FARS2: variants seen among roughly 807,000 people sequenced by gnomAD.
FARS2 encodes the protein phenylalanine--tRNA ligase, mitochondrial.
FARS2 carries 40 observed loss-of-function variants against 46.4 expected under a neutral mutation model. The ratio of observed to expected loss-of-function variants is 0.86; its 90% CI spans 0.67 to 1.12. FARS2 has a LOEUF of 1.12. Among genes scored for constraint, FARS2 ranks in the 50% most tolerant of loss-of-function variants. The pLI is 0.00. For synonymous variants in FARS2, 234 were observed against 214.9 expected, an observed-to-expected ratio of 1.09 and a Z score of -0.78; for missense variants, 513 against 567.9, an observed-to-expected ratio of 0.90 and a Z score of 0.98.
At chr6:5,404,268 T>C (rs566343251) in intron 2 of FARS2, among the ~76,000 whole-genome samples, 5 of 152,364 alleles carry the variant, frequency 3.3e-5, no homozygotes, top group African/African-American at 1.2e-4. Flanking sequence ...TGTTGGGAAC[T>C]GACTATAAGT....
At chr6:5,665,911 T>C (rs1778091884) in intron 6 of FARS2, among the ~76,000 whole-genome samples, 1 of 152,024 alleles carries the variant, frequency 6.6e-6, no homozygotes, top group South Asian at 2.1e-4. Flanking sequence ...CACCCTTCCT[T>C]GAGTGGGAGG....
At chr6:5,742,176 T>G (rs1160275824) in intron 6 of FARS2, among the ~76,000 whole-genome samples, 1 of 152,214 alleles carries the variant, frequency 6.6e-6, no homozygotes, top group Non-Finnish European at 1.5e-5. Flanking sequence ...TTTCCTATTA[T>G]TTGGTTACCA....
At chr6:5,624,741 C>T (rs1246515883) in intron 6 of FARS2, among the ~76,000 whole-genome samples, 1 of 152,094 alleles carries the variant, frequency 6.6e-6, no homozygotes, top group Admixed American at 6.5e-5. Flanking sequence ...TAGATTCAAG[C>T]AAGTTAAACA....
chr6:5,439,161 G>A (rs1582107963), intron 4 of FARS2, among the ~76,000 whole-genome samples: 1 of 152,198 alleles, frequency 6.6e-6, no homozygotes, highest in East Asian at 1.9e-4. Flanking sequence ...TGCAACTTGT[G>A]TGAGTGGTTC....
At position 5,319,663 on chromosome 6, in the gene FARS2, G is replaced by T. The variant is rs747229809; in HGVS notation, c.-21-48887G>T. On this transcript the variant is annotated intron_variant, in intron 1 of 6. Transcript: ENST00000274680. ...AACTCTCACTCCTGCTCTAAAAGTTGCCTTGGTCTCTCACTCTGCCTTATG... is the reference window on the plus strand; with the variant it reads ...AACTCTCACTCCTGCTCTAAAAGTTTCCTTGGTCTCTCACTCTGCCTTATG... Among the ~76,000 whole-genome samples the T allele has an allele frequency of 2.1e-4, 32 of 152,176 alleles. 1 individual carries two copies. Among genetic ancestry groups the T allele is most frequent in the Admixed American group, 2.6e-4 (4 of 15,280 alleles).
At chr6:5,715,415 C>T (rs1262769317) in intron 6 of FARS2, among the ~76,000 whole-genome samples, 1 of 152,114 alleles carries the variant, frequency 6.6e-6, no homozygotes, top group Non-Finnish European at 1.5e-5. Context: ...TTTTCATGAC[C>T]CCGAAAGAAA....
At chr6:5,313,458 A>G (rs912649899) in intron 1 of FARS2, among the ~76,000 whole-genome samples, 2 of 152,196 alleles carry the variant, frequency 1.3e-5, no homozygotes, top group Admixed American at 6.5e-5. Context: ...CCCTAATTAC[A>G]TATCACAGCT....
chr6:5,428,525 C>T (rs1762974431), intron 3 of FARS2, among the ~76,000 whole-genome samples: 1 of 152,124 alleles, frequency 6.6e-6, no homozygotes, highest in South Asian at 2.1e-4. Flanking sequence ...AAACTGTTGT[C>T]ATAAAATGTT....
At chr6:5,400,007 A>T (rs549016307) in intron 2 of FARS2, among the ~76,000 whole-genome samples, 4 of 152,180 alleles carry the variant, frequency 2.6e-5, no homozygotes, top group Non-Finnish European at 5.9e-5. Flanking sequence ...GGGTCAAGAG[A>T]TCAACAAATA....
chr6:5,430,951 T>C, intron 3 of FARS2, 90 bp from the exon 4 acceptor site: 2 of 1,255,516 alleles, frequency 1.6e-6, no homozygotes, highest in Admixed American at 4.0e-5. Context: ...ATGTAGTAAT[T>C]GGTGTCATTA....
intron 4 of FARS2, among the ~76,000 whole-genome samples, chr6:5,474,299 T>C (rs1765982016): frequency 6.6e-6 from 1 of 152,230 alleles, no homozygotes; most frequent in South Asian, 2.1e-4. Context: ...TTGGGCAGTG[T>C]ACCGGGTACT....
intron 4 of FARS2, among the ~76,000 whole-genome samples, chr6:5,490,513 A>G (rs1767040720): frequency 6.6e-6 from 1 of 152,226 alleles, no homozygotes; most frequent in Non-Finnish European, 1.5e-5. Context: ...TATTCCCACC[A>G]GCCTGCAAGA....
rs986465767 is a variant in FARS2, at chr6:5,279,742, G to T, written c.-22+18082G>T. Reference sequence around the variant, plus strand: ...TAGTCCAGGTCCAAGTTCAAAGGCAGGAGAAGGCCAGTGTCCCAGCTTGAA... The same window carrying T: ...TAGTCCAGGTCCAAGTTCAAAGGCATGAGAAGGCCAGTGTCCCAGCTTGAA... On this transcript the variant is annotated intron_variant, in intron 1 of 6. Transcript: ENST00000274680. Among the ~76,000 whole-genome samples the T allele has an allele frequency of 2.6e-5, 4 of 152,102 alleles. 1 individual carries two copies. The South Asian group carries it at 8.3e-4, about 32-fold the overall frequency.
At chr6:5,641,436 A>G (rs1182525238) in intron 6 of FARS2, among the ~76,000 whole-genome samples, 4 of 152,162 alleles carry the variant, frequency 2.6e-5, no homozygotes, top group African/African-American at 9.7e-5. Flanking sequence ...AGCTGGGATT[A>G]CAGGTGCCCA....
intron 5 of FARS2, among the ~76,000 whole-genome samples, chr6:5,594,626 G>T (rs1774096825): frequency 6.6e-6 from 1 of 152,194 alleles, no homozygotes; most frequent in Admixed American, 6.5e-5. Context: ...GGGGCTGAGG[G>T]AACAATCGAA....
intron 6 of FARS2, among the ~76,000 whole-genome samples, chr6:5,645,277 A>G (rs1177795103): frequency 6.6e-6 from 1 of 152,202 alleles, no homozygotes; most frequent in East Asian, 1.9e-4. Flanking sequence ...AATGTGCTTT[A>G]AGTGTCTAAG....
intron 5 of FARS2, among the ~76,000 whole-genome samples, chr6:5,587,817 G>A (rs537420881): frequency 6.6e-6 from 1 of 152,160 alleles, no homozygotes; most frequent in East Asian, 1.9e-4. Flanking sequence ...TGTGACCTTG[G>A]GATCATAACT....
intron 2 of FARS2, among the ~76,000 whole-genome samples, chr6:5,379,697 A>AC (rs111635439): frequency 7.2e-5 from 11 of 152,266 alleles, no homozygotes; most frequent in African/African-American, 2.2e-4. Flanking sequence ...TGTGGGAAGC[A>AC]CTATGCTATG....
intron 6 of FARS2, among the ~76,000 whole-genome samples, chr6:5,717,815 T>G (rs1434142319): frequency 6.6e-6 from 1 of 151,870 alleles, no homozygotes; most frequent in African/African-American, 2.4e-5. Context: ...TCCTCATAAC[T>G]CTAGTAAATG....
Sources: allele counts gnomAD v4.1 joint callset (sites outside exome capture counted in the v4.1 genomes callset), GRCh38; gene constraint gnomAD v4.1.1; transcripts MANE v1.5; gene names NCBI Gene and HGNC (gene_info 2026-07-23, HGNC 2026-07-21).